GRIK4: variants seen among roughly 807,000 people sequenced by gnomAD.
GRIK4 encodes glutamate ionotropic receptor kainate type subunit 4.
In GRIK4, 40 loss-of-function variants were observed where a neutral mutation model predicts 104.9. That is an observed-to-expected ratio of 0.38 (90% confidence interval 0.30 to 0.50). The LOEUF (loss-of-function observed/expected upper bound fraction) is 0.50, where lower values mean the gene tolerates loss of function less well. GRIK4 is among the 20% of genes least tolerant of loss of function. The pLI is 0.93. For synonymous variants in GRIK4, 485 were observed against 524.9 expected (o/e 0.92, Z 1.04); for missense variants, 1,047 against 1,308.1 (o/e 0.80, Z 3.08).
chr11:120,637,739 G>A (rs1722986055), intron 1 of GRIK4, among the ~76,000 whole-genome samples: 2 of 152,120 alleles, frequency 1.3e-5, no homozygotes, highest in African/African-American at 4.8e-5. Context: ...AGTGGGGTGT[G>A]CCAGGGTGCT....
At position 120,953,337 on chromosome 11, in the gene GRIK4, G is replaced by C. The variant is rs1944053127; in HGVS notation, c.1700+373G>C. 6.6e-6 allele frequency among the ~76,000 whole-genome samples: 1 copy of C among 152,164 alleles called. No homozygotes were observed. The highest frequency in any genetic ancestry group is 1.5e-5 in the Non-Finnish European group (1 of 68,036). On this transcript the variant is annotated intron_variant, in intron 15 of 20. Coordinates refer to ENST00000527524, the MANE Select transcript of GRIK4 (RefSeq NM_014619.5). This position sits in a 1 kb window ranked among gnomAD's most constrained non-coding sequence, Gnocchi z 4.9. ...GACTCTCATTAAGCACTGTGCATTTGGCTGCCCTGGCATCAGTCATTGCCA... is the reference window on the plus strand; with the variant it reads ...GACTCTCATTAAGCACTGTGCATTTCGCTGCCCTGGCATCAGTCATTGCCA...
At chr11:120,630,280 C>T (rs1453504751) in intron 1 of GRIK4, among the ~76,000 whole-genome samples, 3 of 152,252 alleles carry the variant, frequency 2.0e-5, no homozygotes, top group Non-Finnish European at 4.4e-5. Context: ...AGCAGACAAA[C>T]CAGGCCTCCC....
intron 8 of GRIK4, among the ~76,000 whole-genome samples, chr11:120,841,479 A>G (rs560902188): frequency 6.6e-6 from 1 of 152,320 alleles, no homozygotes; most frequent in Non-Finnish European, 1.5e-5. Flanking sequence ...GTGTGTGTAG[A>G]CACACACATA....
intron 3 of GRIK4, among the ~76,000 whole-genome samples, chr11:120,708,699 G>A (rs905085723): frequency 2.6e-5 from 4 of 152,148 alleles, no homozygotes; most frequent in East Asian, 1.9e-4. Flanking sequence ...ACCCTCAGTC[G>A]GGCTGGGCCA....
At chr11:120,951,771 C>G (rs1198224094) in intron 14 of GRIK4, among the ~76,000 whole-genome samples, 1 of 152,202 alleles carries the variant, frequency 6.6e-6, no homozygotes, top group African/African-American at 2.4e-5. Context: ...TCAGCTTCAG[C>G]CAGTTGGGAA....
Position 120,786,075 on chromosome 11 carries a change from G to A in GRIK4, c.83-16618G>A, listed in dbSNP as rs150693141. Among the ~76,000 whole-genome samples, 203 of 152,150 alleles carry A rather than the reference G, an allele frequency of 1.3e-3. 1 individual carries two copies. Among genetic ancestry groups the A allele is most frequent in the African/African-American group, 3.8e-3 (156 of 41,510 alleles). ...AGTCCTCCCCTGCCTTGTGCCTGCC[G>A]TTCTCATGTAGGGCTCCTAGCCTTC... On this transcript the variant is annotated intron_variant, in intron 3 of 20. Coordinates refer to ENST00000527524, the MANE Select transcript of GRIK4 (RefSeq NM_014619.5).
At chr11:120,704,040 C>T (rs947097762) in intron 3 of GRIK4, among the ~76,000 whole-genome samples, 18 of 152,216 alleles carry the variant, frequency 1.2e-4, no homozygotes, top group Admixed American at 1.1e-3. Context: ...TTGCCAAAGG[C>T]GAAAAACGAA....
At position 120,905,501 on chromosome 11, in the gene GRIK4, G is replaced by A; in HGVS notation, c.1476+8G>A. 8.2e-7 allele frequency: 1 copy of A among 1,226,816 alleles called. No homozygotes were observed. The highest frequency in any genetic ancestry group is 1.1e-6 in the Non-Finnish European group (1 of 892,054). 76.0% of individuals were successfully genotyped at this position (1,226,816 alleles called of 1,614,324 possible). ...GGGGAGCTGATCGCTAGGGTAAGGAGAGGACAAGTGATCTGGGCCTGAGGG... is the reference window on the plus strand; with the variant it reads ...GGGGAGCTGATCGCTAGGGTAAGGAAAGGACAAGTGATCTGGGCCTGAGGG... On this transcript the variant is annotated splice_region_variant and intron_variant, in intron 13 of 20. Transcript: ENST00000527524. This position sits in a 1 kb window ranked among gnomAD's most constrained non-coding sequence, Gnocchi z 5.1.
At chr11:120,701,066 T>C (rs1291842443) in intron 3 of GRIK4, among the ~76,000 whole-genome samples, 1 of 152,220 alleles carries the variant, frequency 6.6e-6, no homozygotes, top group Non-Finnish European at 1.5e-5. Context: ...GGCTATACCA[T>C]CTAGGTTTGT....
At chr11:120,817,178 A>G (rs979168412) in intron 5 of GRIK4, among the ~76,000 whole-genome samples, 9 of 150,918 alleles carry the variant, frequency 6.0e-5, no homozygotes, top group Admixed American at 2.6e-4. Flanking sequence ...TTTGCTGTGC[A>G]TCACATCCTC....
At chr11:120,705,807 A>G (rs373338719) in intron 3 of GRIK4, among the ~76,000 whole-genome samples, 13 of 152,122 alleles carry the variant, frequency 8.5e-5, no homozygotes, top group East Asian at 3.8e-4. Context: ...TCTTTTTCAG[A>G]TTGTCCGTTG....
At chr11:120,626,060 A>G (rs1352201711) in intron 1 of GRIK4, among the ~76,000 whole-genome samples, 1 of 152,204 alleles carries the variant, frequency 6.6e-6, no homozygotes, top group Non-Finnish European at 1.5e-5. Flanking sequence ...GGATAATTTG[A>G]TGGAAGACTT....
intron 13 of GRIK4, among the ~76,000 whole-genome samples, chr11:120,915,598 G>A (rs1181622624): frequency 2.6e-5 from 4 of 152,134 alleles, no homozygotes; most frequent in Non-Finnish European, 4.4e-5. Flanking sequence ...CTCGGTGGAG[G>A]GCTCTGCTGT....
chr11:120,788,737 A>G (rs1952338299), intron 3 of GRIK4, among the ~76,000 whole-genome samples: 1 of 151,142 alleles, frequency 6.6e-6, no homozygotes, highest in African/African-American at 2.4e-5. Context: ...TCCTCTTCTG[A>G]GCCCTTCTTA....
chr11:120,762,913 GT>G (rs1428138772), intron 3 of GRIK4, among the ~76,000 whole-genome samples: 1 of 152,006 alleles, frequency 6.6e-6, no homozygotes, highest in Admixed American at 6.6e-5. Context: ...TTTTGTTGTT[GT>G]TGTGTCTCTG....
At chr11:120,553,021 AAAG>A (rs901135844) in intron 1 of GRIK4, among the ~76,000 whole-genome samples, 3 of 152,092 alleles carry the variant, frequency 2.0e-5, no homozygotes, top group Non-Finnish European at 4.4e-5. Flanking sequence ...AAAAAAAAAA[AAAG>A]AAGGGAGGAA....
intron 3 of GRIK4, 56 bp downstream of exon 3, chr11:120,660,456 A>G: frequency 6.8e-6 from 9 of 1,325,196 alleles, no homozygotes; most frequent in Non-Finnish European, 8.6e-6. Context: ...GGTGTCCACA[A>G]GGGACATGAG....
rs1424353207 is a variant in GRIK4 at position 120,987,454 on chromosome 11, TGTATGTGTGC to T, written c.*1196_*1205del. 6 of 151,992 alleles carry T rather than the reference TGTATGTGTGC, an allele frequency of 3.9e-5. No individual in the cohort carries two copies. The highest frequency in any genetic ancestry group is 1.2e-4 in the African/African-American group (5 of 41,266). The allele number at this position is 151,992 out of a possible 1,614,324, so 9.4% of individuals were successfully genotyped here. On this transcript the variant is annotated 3_prime_UTR_variant, in exon 21 of 21. Transcript: ENST00000527524. ...AGACCTGGGTGCAAGTGTATGTGTG[TGTATGTGTGC>T]GCGCGTGTGCGTGTGTGTATTTATT...
chr11:120,686,809 G>A (rs1950283754), intron 3 of GRIK4, among the ~76,000 whole-genome samples: 1 of 152,212 alleles, frequency 6.6e-6, no homozygotes, highest in African/African-American at 2.4e-5. Flanking sequence ...TGAAGGTGGT[G>A]ATCCACGCAT....
Sources: gnomAD v4.1 joint callset for allele counts (sites outside exome capture counted in the v4.1 genomes callset) on GRCh38, gnomAD v4.1.1 for gene constraint, Gnocchi (gnomAD v3.1) non-coding constraint, MANE v1.5 for transcripts, NCBI Gene and HGNC (gene_info 2026-07-23, HGNC 2026-07-21) for gene names.